The following FDFT1 variants were observed in gnomAD, a reference collection of about 807,000 sequenced individuals.
FDFT1 encodes farnesyl-diphosphate farnesyltransferase 1.
A neutral mutation model predicts 46.8 loss-of-function variants in FDFT1; 68 were observed. The ratio of observed to expected loss-of-function variants is 1.45; its 90% CI spans 1.19 to 1.78. The LOEUF (loss-of-function observed/expected upper bound fraction) is 1.78, where lower values mean the gene tolerates loss of function less well. FDFT1 is among the 40% of genes most tolerant of loss of function. FDFT1 has a pLI of 0.00. For missense variants in FDFT1, 928 were observed against 524.4 expected (o/e 1.77, Z -7.52); for synonymous variants, 351 against 185.1 (o/e 1.90, Z -7.28).
intron 3 of FDFT1, among the ~76,000 whole-genome samples, chr8:11,816,334 TTGTCTTG>T (rs1202598449): frequency 1.3e-5 from 2 of 152,220 alleles, no homozygotes; most frequent in Admixed American, 6.5e-5. Flanking sequence ...TGGCTTAGGA[TTGTCTTG>T]GCTATGCAGG....
At chr8:11,815,366 A>G (rs1808305763) in intron 3 of FDFT1, among the ~76,000 whole-genome samples, 2 of 152,154 alleles carry the variant, frequency 1.3e-5, no homozygotes, top group African/African-American at 4.8e-5. Flanking sequence ...ACGAGTTATA[A>G]TCCTTTGGGT....
At position 11,821,810 on chromosome 8, in the gene FDFT1, C is replaced by A. The variant is rs138781417; in HGVS notation, c.442C>A (p.Arg148=). The change falls in exon 4 of 8, where the codon CGG becomes AGG. Residue 148 remains arginine, a synonymous_variant. Coordinates refer to ENST00000220584, the MANE Select transcript of FDFT1 (RefSeq NM_004462.5). ...CCAAACAGTGATTGCCGACATTTGC[C>A]GGAGAATGGGCATTGGGATGGCAGA... ...KYQTVIADIC[R]RMGIGMAEFL... is the part of the protein sequence containing the mutation. 1 of 1,613,614 alleles carries A rather than the reference C, an allele frequency of 6.2e-7. No individual in the cohort carries two copies. Among genetic ancestry groups the A allele is most frequent in the Non-Finnish European group, 8.5e-7 (1 of 1,179,666 alleles).
At chr8:11,800,338 C>T (rs188660857), upstream of FDFT1, among the ~76,000 whole-genome samples, 5 of 137,324 alleles carry the variant, frequency 3.6e-5, no homozygotes, top group East Asian at 1.4e-3. Flanking sequence ...TTACTTCCTG[C>T]AGAAAGGGTA....
chr8:11,820,773 C>G (rs868066964), intron 3 of FDFT1, among the ~76,000 whole-genome samples: 1 of 152,210 alleles, frequency 6.6e-6, no homozygotes, highest in Non-Finnish European at 1.5e-5. Context: ...TACAGTCACT[C>G]ACGCCTTTCC....
chr8:11,799,002 C>G (rs1169123704), upstream of FDFT1, among the ~76,000 whole-genome samples: 8 of 152,176 alleles, frequency 5.3e-5, no homozygotes, highest in South Asian at 2.1e-4. Flanking sequence ...ACTGGGTTGG[C>G]TAAACGTACA....
chr8:11,816,250 A>G (rs1457836001), intron 3 of FDFT1, among the ~76,000 whole-genome samples: 1 of 152,198 alleles, frequency 6.6e-6, no homozygotes, highest in African/African-American at 2.4e-5. Context: ...TACCAGTACC[A>G]TGCTGTTTTG....
chr8:11,810,273 G>A, intron 3 of FDFT1, among the ~76,000 whole-genome samples: 1 of 152,214 alleles, frequency 6.6e-6, no homozygotes, highest in Non-Finnish European at 1.5e-5. Context: ...TCTCAGGCTA[G>A]CTCACAAAAG....
Position 11,838,665 on chromosome 8 carries a change from T to A in FDFT1, c.*56T>A, listed in dbSNP as rs999591307. On this transcript the variant is annotated 3_prime_UTR_variant, in exon 8 of 8. Coordinates refer to ENST00000220584, the MANE Select transcript of FDFT1 (RefSeq NM_004462.5). ...ATAAAGTGGATTTACTTTTTTTCTT[T>A]AAGGATGGATGTTGTGTTCTCTTTA... The A allele has an allele frequency of 7.7e-7, 1 of 1,298,850 alleles. No individual in the cohort carries two copies. The highest frequency in any genetic ancestry group is 1.1e-6 in the Non-Finnish European group (1 of 893,972). 80.5% of individuals were successfully genotyped at this position (1,298,850 alleles called of 1,614,324 possible).
intron 3 of FDFT1, among the ~76,000 whole-genome samples, chr8:11,820,878 C>A (rs1030835448): frequency 1.3e-5 from 2 of 152,232 alleles, no homozygotes; most frequent in Non-Finnish European, 2.9e-5. Context: ...GCTGCACCCA[C>A]TGTCCAACCA....
upstream of FDFT1, among the ~76,000 whole-genome samples, chr8:11,800,238 C>A (rs1164463777): frequency 8.4e-6 from 1 of 119,160 alleles, no homozygotes; most frequent in Admixed American, 1.1e-4. Context: ...TCCAGCCTGG[C>A]AACAAGAGTG....
At chr8:11,812,767 G>A (rs758075529) in intron 3 of FDFT1, among the ~76,000 whole-genome samples, 5 of 152,150 alleles carry the variant, frequency 3.3e-5, no homozygotes, top group African/African-American at 4.8e-5. Context: ...AGTGACTTCC[G>A]CCTCGATGTA....
intron 5 of FDFT1, among the ~76,000 whole-genome samples, chr8:11,828,116 A>G (rs1810265708): frequency 6.6e-6 from 1 of 151,886 alleles, no homozygotes; most frequent in Non-Finnish European, 1.5e-5. Flanking sequence ...GTGAGACTCC[A>G]TTTAAAAAAA....
intron 3 of FDFT1, among the ~76,000 whole-genome samples, chr8:11,810,332 A>T (rs192432869): frequency 6.6e-6 from 1 of 152,230 alleles, no homozygotes; most frequent in East Asian, 1.9e-4. Context: ...TGGCCTCTTG[A>T]CTACCCGGAG....
At chr8:11,818,807 A>T (rs1808820982) in intron 3 of FDFT1, among the ~76,000 whole-genome samples, 1 of 152,058 alleles carries the variant, frequency 6.6e-6, no homozygotes, top group South Asian at 2.1e-4. Context: ...CTGTTTATCC[A>T]ATTTGCCAGT....
chr8:11,828,395 C>G (rs1035856735), intron 5 of FDFT1, among the ~76,000 whole-genome samples: 1 of 152,188 alleles, frequency 6.6e-6, no homozygotes, highest in Non-Finnish European at 1.5e-5. Flanking sequence ...GTTGAGAAAC[C>G]ACTCTTGTCT....
chr8:11,837,707 CTTGGTGACAGTG>C (rs1811734043), intron 7 of FDFT1, among the ~76,000 whole-genome samples: 1 of 152,064 alleles, frequency 6.6e-6, no homozygotes, highest in Non-Finnish European at 1.5e-5. Flanking sequence ...TTGAGATCTC[CTTGGTGACAGTG>C]TAGAGCAGAC....
rs116723439 is a variant in FDFT1 at position 11,812,781 on chromosome 8, T to C, written c.381+2931T>C. 9.7e-3 allele frequency among the ~76,000 whole-genome samples: 1,476 copies of C among 152,340 alleles called. 21 individuals are homozygous for C. Among genetic ancestry groups the C allele is most frequent in the African/African-American group, 0.032 (1,315 of 41,576 alleles). ...CAGTGACTTCCGCCTCGATGTACAG[T>C]AGATTGAACCTGATCCTTTATACTT... On this transcript the variant is annotated intron_variant, in intron 3 of 7. Transcript: ENST00000220584.
chr8:11,796,699 G>T (rs1382475853), intron 1 of FDFT1, among the ~76,000 whole-genome samples: 1 of 152,176 alleles, frequency 6.6e-6, no homozygotes, highest in East Asian at 1.9e-4. Context: ...GTTTTTCTGT[G>T]GTTGATTCTG....
At position 11,808,493 on chromosome 8, in the gene FDFT1, A is replaced by G. The variant is rs1019382231; in HGVS notation, c.100-301A>G. On this transcript the variant is annotated intron_variant, in intron 1 of 7. Transcript: ENST00000220584. ...AGATCTGCTTGAGTCTATGGAGGAA[A>G]AACTCCGCGGGGTCCGCGATTCCCA... is the stretch of plus-strand genomic sequence containing the variant. 103 of 1,328,032 alleles carry G rather than the reference A, an allele frequency of 7.8e-5. No homozygotes were observed. The African/African-American group carries it at 1.4e-3, about 18-fold the overall frequency. 82.3% of individuals were successfully genotyped at this position (1,328,032 alleles called of 1,614,324 possible). A position where few individuals can be genotyped will look rare whatever the true frequency, so the allele number is the denominator to read the frequency against.
Sources: allele counts gnomAD v4.1 joint callset (sites outside exome capture counted in the v4.1 genomes callset), GRCh38; gene constraint gnomAD v4.1.1; transcripts MANE v1.5; gene names NCBI Gene and HGNC (gene_info 2026-07-23, HGNC 2026-07-21).